RYR1: variants seen among roughly 807,000 people sequenced by gnomAD.
The protein encoded by RYR1 is central core disease of muscle.
Under a neutral mutation model 583.5 loss-of-function variants are expected in RYR1, and 342 were observed. The observed-to-expected ratio is 0.59, with a 90% CI of 0.54 to 0.64. RYR1 has a LOEUF of 0.64. Among genes scored for constraint, RYR1 ranks in the 30% least tolerant of loss-of-function variants. RYR1 has a pLI of 0.00. For missense variants in RYR1, 6,032 were observed against 6,917.2 expected, an observed-to-expected ratio of 0.87 and a Z score of 4.54; for synonymous variants, 2,791 against 2,822.5, an observed-to-expected ratio of 0.99 and a Z score of 0.35.
In RYR1 at chr19:38,506,198, G is replaced by T. The variant is rs1007778393; in HGVS notation, c.8542-105G>T. The stretch of plus-strand genomic sequence containing the variant: ...AAAGGACAAGGGGTCTTGAGCCAGG[G>T]GAGGGTGGAGGGGGTAGAATGGACT... On this transcript the variant is annotated intron_variant, in intron 54 of 105. Transcript: ENST00000359596. The T allele has an allele frequency of 4.8e-6, 6 of 1,244,214 alleles. No homozygotes were observed. In the African/African-American group the frequency reaches 6.0e-5, roughly 12 times the overall value. 77.1% of individuals were successfully genotyped at this position (1,244,214 alleles called of 1,614,324 possible).
Position 38,500,873 on chromosome 19 carries a change from G to T in RYR1, c.7497G>T (p.Lys2499Asn), listed in dbSNP as rs1600825640. 1 of 1,602,998 alleles carries T rather than the reference G, an allele frequency of 6.2e-7. No individual in the cohort carries two copies. The highest frequency in any genetic ancestry group is 8.5e-7 in the Non-Finnish European group (1 of 1,173,450). The change falls in exon 47 of 106, where the codon AAG becomes AAT. Residue 2499 changes from lysine (K) to asparagine (N), a missense_variant. Transcript: ENST00000359596. The surrounding 1 kb of genome is among the most constrained non-coding windows in gnomAD (Gnocchi z 5.9). ...CAGCATCCTTCGTGCCGGACCACAAGGCGTCCATGGTGCTCTTCCTGGACC... is the reference window on the plus strand; with the variant it reads ...CAGCATCCTTCGTGCCGGACCACAATGCGTCCATGGTGCTCTTCCTGGACC... ...KMSASFVPDHKASMVLFLDRV... is the reference protein window; with the variant it reads ...KMSASFVPDHNASMVLFLDRV...
Position 38,525,494 on chromosome 19 carries a change from T to TA in RYR1, c.10619dup (p.Tyr3540Ter), listed in dbSNP as rs780578391. Residue 3540 changes from tyrosine (Y) to a stop codon, truncating the protein, a stop_gained and frameshift_variant, in exon 71 of 106, where the codon TAC becomes TAAC. Transcript: ENST00000359596. LOFTEE classifies it high-confidence loss of function. ...QDLITLAKTR[Y>*]ALKDTDEEVR... ...CCTCATCACGCTGGCCAAGACCCGT[T>TA]ACGCCCTGGTGCCTGCCCAGCCCCG... 1 of 1,613,802 alleles carries TA rather than the reference T, an allele frequency of 6.2e-7. No homozygotes were observed. The highest frequency in any genetic ancestry group is 1.7e-5 in the Admixed American group (1 of 59,972).
Position 38,580,478 on chromosome 19 carries a change from G to A in RYR1, c.14620G>A (p.Asp4874Asn), listed in dbSNP as rs746038282. 6.2e-7 allele frequency: 1 copy of A among 1,614,152 alleles called. No homozygotes were observed. Among genetic ancestry groups the A allele is most frequent in the South Asian group, 1.1e-5 (1 of 91,068 alleles). The stretch of plus-strand genomic sequence containing the variant: ...CAAGAGCGAGGATGAGGATGAACCT[G>A]ACATGAAGTGTGATGACATGATGAC... The part of the protein sequence containing the change: ...YNKSEDEDEP[D>N]MKCDDMMTCY... The change falls in exon 101 of 106, where the codon GAC becomes AAC. Residue 4874 changes from aspartate to asparagine, a missense_variant. Physicochemically the swap from Asp to Asn is conservative, Grantham distance 23. Coordinates refer to ENST00000359596, the MANE Select transcript of RYR1 (RefSeq NM_000540.3).
chr19:38,486,777 TCATCCATC>T (rs1289541452), intron 34 of RYR1, among the ~76,000 whole-genome samples: 1 of 152,160 alleles, frequency 6.6e-6, no homozygotes, highest in Non-Finnish European at 1.5e-5. Flanking sequence ...CAACCATCAT[TCATCCATC>T]CATCAATCCA....
Position 38,440,792 on chromosome 19 carries a change from G to A in RYR1, c.93G>A (p.Gln31=), listed in dbSNP as rs1482747444. Residue 31 remains glutamine, a synonymous_variant, in exon 2 of 106, where the codon CAG becomes CAA. Transcript: ENST00000359596. ...GCAGCGCTACCGTGCTCAAGGAGCA[G>A]CTCAAGCTCTGCCTGGCCGCCGAGG... ...LQCSATVLKE[Q]LKLCLAAEGF... 2 of 1,609,284 alleles carry A rather than the reference G, an allele frequency of 1.2e-6. No individual in the cohort carries two copies. The highest frequency in any genetic ancestry group is 2.2e-5 in the East Asian group (1 of 44,786).
intron 76 of RYR1, among the ~76,000 whole-genome samples, chr19:38,529,794 C>G (rs1387824457): frequency 6.6e-6 from 1 of 152,112 alleles, no homozygotes; most frequent in East Asian, 1.9e-4. Flanking sequence ...GGCGCAGCTG[C>G]TGCCGCTGCT....
chr19:38,535,699 C>G (rs1047556184), intron 81 of RYR1: 1 of 590,948 alleles, frequency 1.7e-6, no homozygotes, highest in East Asian at 2.9e-5. Flanking sequence ...TAATCTGCCT[C>G]TACTGTTGTC....
chr19:38,502,940 C>G lies in RYR1; in HGVS notation c.7896C>G (p.Ile2632Met), dbSNP rs201090618. The G allele has an allele frequency of 1.2e-6, 2 of 1,611,136 alleles. No individual in the cohort carries two copies. The highest frequency in any genetic ancestry group is 2.7e-5 in the African/African-American group (2 of 75,032). Reference protein sequence around the residue: ...LLRRLVFDVPILNEFAKMPLK... With the variant: ...LLRRLVFDVPMLNEFAKMPLK... ...GCCGCCTGGTGTTCGACGTGCCCAT[C>G]CTCAACGAGTTCGCCAAGATGCCAC... Residue 2632 changes from isoleucine (I) to methionine (M), a missense_variant, in exon 49 of 106, where the codon ATC becomes ATG. Ile to Met is a conservative substitution (Grantham distance 10). This residue lies in a region of RYR1 where 250 missense variants were observed against 162.3 expected (regional missense o/e 1.54). Transcript: ENST00000359596.
Position 38,543,789 on chromosome 19 carries a change from C to G in RYR1, c.11926C>G (p.Gln3976Glu). Residue 3976 changes from glutamine to glutamate, a missense_variant, in exon 87 of 106, where the codon CAG becomes GAG. Physicochemically the swap from Gln to Glu is conservative, Grantham distance 29. Around this residue, in one of 11 missense-constraint regions of RYR1, gnomAD observed 82 missense variants for 139.7 expected, o/e 0.59. Transcript: ENST00000359596. The surrounding 1 kb of genome is among the most constrained non-coding windows in gnomAD (Gnocchi z 4.4). ...CTCCCAGGGTCCCTGCACCGGGAAC[C>G]AGCAGAGCCTGGCGCACAGTCGCCT... is the stretch of plus-strand genomic sequence containing the variant. The part of the protein sequence containing the change: ...EYIQGPCTGN[Q>E]QSLAHSRLWD... 1 of 1,613,668 alleles carries G rather than the reference C, an allele frequency of 6.2e-7. No homozygotes were observed. The highest frequency in any genetic ancestry group is 8.5e-7 in the Non-Finnish European group (1 of 1,180,034).
chr19:38,500,704 G>A lies in RYR1; in HGVS notation c.7422G>A (p.Leu2474=), dbSNP rs758872814. The A allele has an allele frequency of 6.8e-6, 11 of 1,614,140 alleles. No individual in the cohort carries two copies. The highest frequency in any genetic ancestry group is 1.6e-4 in the Middle Eastern group (1 of 6,062). Residue 2474 remains leucine (L), a synonymous_variant, in exon 46 of 106, where the codon CTG becomes CTA. Transcript: ENST00000359596. This position sits in a 1 kb window ranked among gnomAD's most constrained non-coding sequence, Gnocchi z 5.9. The part of the protein sequence containing the change: ...EDLVGIISLP[L]QIPTLGKDGA... ...TTGTGGGCATCATCAGCCTCCCACT[G>A]CAGATTCCCACCCTGGGCAAAGGTG...
intron 33 of RYR1, among the ~76,000 whole-genome samples, chr19:38,485,082 C>T (rs944199971): frequency 1.3e-5 from 2 of 152,106 alleles, no homozygotes; most frequent in African/African-American, 2.4e-5. Context: ...AATGTCCTGC[C>T]CTTGGAATTT....
chr19:38,505,546 A>T (rs1377590066), intron 53 of RYR1, 148 bp downstream of exon 53: 1 of 778,500 alleles, frequency 1.3e-6, no homozygotes, highest in East Asian at 2.7e-5. Context: ...CCTTCTCTCA[A>T]ACTTGGTAGA....
rs1041481087 is a variant in RYR1 at position 38,500,098 on chromosome 19, C to A, written c.7323+82C>A. ...CGCCTCATGCAGGCACTCGGTGACA[C>A]GGAGTGAGCTCCCATATGTGGGTGG... On this transcript the variant is annotated intron_variant, in intron 45 of 105. Transcript: ENST00000359596. This position sits in a 1 kb window ranked among gnomAD's most constrained non-coding sequence, Gnocchi z 5.9. 3 of 1,213,830 alleles carry A rather than the reference C, an allele frequency of 2.5e-6. No individual in the cohort carries two copies. The highest frequency in any genetic ancestry group is 2.4e-5 in the East Asian group (1 of 41,878). The allele number at this position is 1,213,830 out of a possible 1,614,324, so 75.2% of individuals were successfully genotyped here. A position where few individuals can be genotyped will look rare whatever the true frequency, so the allele number is the denominator to read the frequency against.
In RYR1 at chr19:38,500,333, G is replaced by C. The variant is rs753546833; in HGVS notation, c.7324-273G>C. Reference sequence around the variant, plus strand: ...GGGGATGGGGAACACAGGGAGAGGGGTCAGGATGGGGATGGGGTCACAGGG... The same window carrying C: ...GGGGATGGGGAACACAGGGAGAGGGCTCAGGATGGGGATGGGGTCACAGGG... On this transcript the variant is annotated intron_variant, in intron 45 of 105. Coordinates refer to ENST00000359596, the MANE Select transcript of RYR1 (RefSeq NM_000540.3). The surrounding 1 kb of genome is among the most constrained non-coding windows in gnomAD (Gnocchi z 5.9). Among the ~76,000 whole-genome samples the C allele has an allele frequency of 1.4e-5, 2 of 147,890 alleles. No individual in the cohort carries two copies. Among genetic ancestry groups the C allele is most frequent in the African/African-American group, 5.0e-5 (2 of 40,164 alleles).
At chr19:38,454,284 C>T (rs1455825216) in intron 13 of RYR1, among the ~76,000 whole-genome samples, 5 of 152,326 alleles carry the variant, frequency 3.3e-5, no homozygotes, top group African/African-American at 1.2e-4. Flanking sequence ...AGGTGATCCA[C>T]CCGCCTCCAC....
At chr19:38,489,826 C>A (rs897532011) in intron 35 of RYR1, among the ~76,000 whole-genome samples, 1 of 152,098 alleles carries the variant, frequency 6.6e-6, no homozygotes, top group Non-Finnish European at 1.5e-5. Context: ...GATGGGGTTT[C>A]GCCATGTTGG....
At chr19:38,552,550 C>T (rs1220504344) in intron 89 of RYR1, among the ~76,000 whole-genome samples, 5 of 152,242 alleles carry the variant, frequency 3.3e-5, no homozygotes, top group Admixed American at 6.6e-5. Context: ...CGCGCCTGGC[C>T]AGGATTGCTT....
At chr19:38,492,794 C>A (rs1041415878) in intron 38 of RYR1, among the ~76,000 whole-genome samples, 158 bp downstream of exon 38, 1 of 151,316 alleles carries the variant, frequency 6.6e-6, no homozygotes, top group African/African-American at 2.4e-5. Context: ...TGGAAGCAGG[C>A]GTGGTGGCTC....
chr19:38,513,303 C>T (rs909180279), intron 63 of RYR1, among the ~76,000 whole-genome samples: 3 of 151,908 alleles, frequency 2.0e-5, no homozygotes, highest in Admixed American at 6.6e-5. Context: ...TGCCATTGCA[C>T]GCCAGCCTGG....
Sources: allele counts gnomAD v4.1 joint callset (sites outside exome capture counted in the v4.1 genomes callset), GRCh38; gene constraint gnomAD v4.1.1; regional missense constraint gnomAD v4.1.1; non-coding constraint Gnocchi (gnomAD v3.1); transcripts MANE v1.5; gene names NCBI Gene and HGNC (gene_info 2026-07-23, HGNC 2026-07-21).